USH2A: variants seen among roughly 807,000 people sequenced by gnomAD.
The protein encoded by USH2A is Usher syndrome 2A (autosomal recessive, mild).
A neutral mutation model predicts 538.9 loss-of-function variants in USH2A; 443 were observed. The observed-to-expected ratio is 0.82, with a 90% CI of 0.76 to 0.89. USH2A has a LOEUF of 0.89. Among genes scored for constraint, USH2A ranks in the 40% least tolerant of loss-of-function variants. USH2A has a pLI of 0.00. For missense variants in USH2A, 6,633 were observed against 6,324.8 expected, an observed-to-expected ratio of 1.05 and a Z score of -1.65; for synonymous variants, 2,413 against 2,273.5, an observed-to-expected ratio of 1.06 and a Z score of -1.75.
At chr1:215,686,695 T>A (rs1408513973) in intron 61 of USH2A, among the ~76,000 whole-genome samples, 1 of 152,130 alleles carries the variant, frequency 6.6e-6, no homozygotes, top group Admixed American at 6.5e-5. Context: ...TATCGTGGTA[T>A]AGATCATGGT....
chr1:216,329,340 A>C (rs2037802539), intron 4 of USH2A, among the ~76,000 whole-genome samples: 1 of 152,166 alleles, frequency 6.6e-6, no homozygotes, highest in Non-Finnish European at 1.5e-5. Flanking sequence ...ATCTAAAGTT[A>C]AACAAAGAGG....
chr1:216,248,658 C>T (rs992768884), intron 12 of USH2A, among the ~76,000 whole-genome samples: 2 of 151,874 alleles, frequency 1.3e-5, no homozygotes, highest in African/African-American at 4.8e-5. Context: ...TAAAAAAGGA[C>T]CACTATTGCT....
At chr1:215,916,628 G>T (rs1665961545) in intron 38 of USH2A, among the ~76,000 whole-genome samples, 1 of 152,032 alleles carries the variant, frequency 6.6e-6, no homozygotes, top group South Asian at 2.1e-4. Context: ...TTCATGAAAT[G>T]AAAAATGGTT....
chr1:216,187,000 G>A (rs1176936329), intron 20 of USH2A, among the ~76,000 whole-genome samples: 2 of 151,858 alleles, frequency 1.3e-5, no homozygotes, highest in South Asian at 2.1e-4. Flanking sequence ...CTACCACCAG[G>A]GAAGTCTTCA....
intron 11 of USH2A, among the ~76,000 whole-genome samples, chr1:216,280,830 C>T (rs1027687336): frequency 2.6e-5 from 4 of 152,300 alleles, no homozygotes; most frequent in African/African-American, 9.6e-5. Flanking sequence ...CACAGTCACT[C>T]AGGCCATTTG....
In USH2A at chr1:216,089,063, G is replaced by C. The variant is rs925344568; in HGVS notation, c.4835C>G (p.Ala1612Gly). 6.2e-7 allele frequency: 1 copy of C among 1,613,290 alleles called. No individual in the cohort carries two copies. The highest frequency in any genetic ancestry group is 8.5e-7 in the Non-Finnish European group (1 of 1,179,604). The change falls in exon 23 of 72, where the codon GCT becomes GGT. Residue 1612 changes from alanine to glycine, a missense_variant. Ala to Gly is a moderately conservative substitution (Grantham distance 60). Transcript: ENST00000307340. ...YSDGKWHEIIAIRHQAFGQIT... is the reference protein window; with the variant it reads ...YSDGKWHEIIGIRHQAFGQIT... ...TTGGCCAAAAGCCTGATGCCTAATA[G>C]CAATTATTTCATGCCATTTTCCATC...
chr1:215,831,060 T>C (rs1490566408), intron 47 of USH2A, among the ~76,000 whole-genome samples: 1 of 151,966 alleles, frequency 6.6e-6, no homozygotes, highest in Non-Finnish European at 1.5e-5. Flanking sequence ...AAAGCTGGAG[T>C]GGCTATATTA....
In USH2A at chr1:215,756,909, G is replaced by A. The variant is rs116100076; in HGVS notation, c.11389+1686C>T. ...GCCTGGGTGACAGAGAGAGAGACCC[G>A]GTCTCAAAATAAACAAACAAACAAA... On this transcript the variant is annotated intron_variant, in intron 58 of 71. Transcript: ENST00000307340. Among the ~76,000 whole-genome samples, 158 of 148,866 alleles carry A rather than the reference G, an allele frequency of 1.1e-3. 1 individual carries two copies. Among genetic ancestry groups the A allele is most frequent in the African/African-American group, 2.3e-3 (91 of 40,056 alleles).
At chr1:215,749,058 AGTTTT>A (rs1337134623) in intron 58 of USH2A, among the ~76,000 whole-genome samples, 1 of 152,136 alleles carries the variant, frequency 6.6e-6, no homozygotes, top group Non-Finnish European at 1.5e-5. Flanking sequence ...TTTGTTATCT[AGTTTT>A]ATTTTTTATG....
intron 3 of USH2A, among the ~76,000 whole-genome samples, chr1:216,417,187 TC>T (rs2039590327): frequency 1.3e-5 from 2 of 151,446 alleles, no homozygotes; most frequent in South Asian, 4.2e-4. Flanking sequence ...TAAACTCATA[TC>T]TTAGTATCTG....
chr1:215,729,359 T>G (rs1190396713), intron 60 of USH2A, among the ~76,000 whole-genome samples: 1 of 152,204 alleles, frequency 6.6e-6, no homozygotes. Context: ...GAATTTTCTC[T>G]TCTATAATTT....
chr1:216,142,276 G>T (rs778349603), intron 21 of USH2A, among the ~76,000 whole-genome samples: 2 of 152,280 alleles, frequency 1.3e-5, no homozygotes, highest in African/African-American at 4.8e-5. Flanking sequence ...ATTGTATTAC[G>T]TTTGGCAATG....
intron 58 of USH2A, among the ~76,000 whole-genome samples, chr1:215,749,850 A>G (rs55795725): frequency 0.016 from 2,438 of 152,326 alleles, 70 homozygotes; most frequent in African/African-American, 0.052. Flanking sequence ...TTCGTTGGTT[A>G]ATATTCCTTG....
At chr1:215,959,037 C>T (rs922611649) in intron 37 of USH2A, among the ~76,000 whole-genome samples, 7 of 152,062 alleles carry the variant, frequency 4.6e-5, no homozygotes, top group Non-Finnish European at 7.4e-5. Flanking sequence ...ACTCACCACC[C>T]GGATCTCCTC....
At chr1:216,169,091 G>T (rs947778499) in intron 21 of USH2A, among the ~76,000 whole-genome samples, 3 of 152,122 alleles carry the variant, frequency 2.0e-5, no homozygotes, top group African/African-American at 7.2e-5. Flanking sequence ...CAGTGGGCAA[G>T]GAGAACCCAT....
chr1:215,730,113 TA>T lies in USH2A; in HGVS notation c.11712-1730del, dbSNP rs562273327. ...ATACTCTTTTGGTACTAAATATATA[TA>T]GCATTAAATATAGAAGTAAGAGAAA... On this transcript the variant is annotated intron_variant, in intron 60 of 71. Transcript: ENST00000307340. 5.8e-4 allele frequency among the ~76,000 whole-genome samples: 89 copies of T among 152,246 alleles called. 1 individual carries two copies. In the East Asian group the frequency reaches 0.016, roughly 28 times the overall value.
At chr1:216,225,813 G>T (rs1305000262) in intron 14 of USH2A, among the ~76,000 whole-genome samples, 9 of 152,108 alleles carry the variant, frequency 5.9e-5, no homozygotes, top group Non-Finnish European at 1.2e-4. Flanking sequence ...AGGAAGTAAT[G>T]GTTAGTTCTG....
At chr1:216,416,423 T>A (rs901117933) in intron 3 of USH2A, among the ~76,000 whole-genome samples, 11 of 152,204 alleles carry the variant, frequency 7.2e-5, no homozygotes, top group African/African-American at 2.4e-4. Context: ...AGTTTTAATA[T>A]AAAATGCAGA....
chr1:215,818,797 C>T (rs1280797201), intron 47 of USH2A, among the ~76,000 whole-genome samples: 1 of 151,762 alleles, frequency 6.6e-6, no homozygotes, highest in African/African-American at 2.4e-5. Context: ...AAAATACTGC[C>T]TAGACCACAC....
Sources: gnomAD v4.1 joint callset for allele counts (sites outside exome capture counted in the v4.1 genomes callset) on GRCh38, gnomAD v4.1.1 for gene constraint, MANE v1.5 for transcripts, NCBI Gene and HGNC (gene_info 2026-07-23, HGNC 2026-07-21) for gene names.